Variants in AGBL4 observed in about 807,000 individuals in gnomAD.
AGBL4 encodes cytosolic carboxypeptidase 6.
Under a neutral mutation model 66.4 loss-of-function variants are expected in AGBL4, and 58 were observed. The ratio of observed to expected loss-of-function variants is 0.87; its 90% CI spans 0.71 to 1.09. AGBL4 has a LOEUF of 1.09. AGBL4 is among the 50% of genes least tolerant of loss of function. The pLI, the probability that AGBL4 is intolerant of heterozygous loss-of-function variation, is 0.00. For missense variants in AGBL4, 579 were observed against 631.0 expected (o/e 0.92, Z 0.88); for synonymous variants, 234 against 222.9 (o/e 1.05, Z -0.44).
intron 1 of AGBL4, among the ~76,000 whole-genome samples, chr1:49,954,485 C>G (rs1208434371): frequency 2.0e-5 from 3 of 151,968 alleles, no homozygotes; most frequent in African/African-American, 4.8e-5. Context: ...CACCTTCTGC[C>G]ATAAGATGAC....
At chr1:49,874,178 C>A (rs779417517) in intron 1 of AGBL4, among the ~76,000 whole-genome samples, 7 of 151,910 alleles carry the variant, frequency 4.6e-5, no homozygotes, top group East Asian at 1.9e-4. Flanking sequence ...AAAAAATGAA[C>A]CTTATCCTGT....
chr1:49,504,386 C>T (rs190272151), intron 3 of AGBL4, among the ~76,000 whole-genome samples: 1 of 152,078 alleles, frequency 6.6e-6, no homozygotes, highest in Non-Finnish European at 1.5e-5. Flanking sequence ...CACATTTGAT[C>T]TTAAGTATAG....
At position 49,500,537 on chromosome 1, in the gene AGBL4, C is replaced by T. The variant is rs1017209529; in HGVS notation, c.282+196776G>A. On this transcript the variant is annotated intron_variant, in intron 3 of 13. Coordinates refer to ENST00000371839, the MANE Select transcript of AGBL4 (RefSeq NM_032785.4). The stretch of plus-strand genomic sequence containing the variant: ...ATCTTAGATTTAAGTTTTTGACTCA[C>T]CTTGAGTTGGTTTTTGTATAAGGTG... Among the ~76,000 whole-genome samples, 8 of 151,796 alleles carry T rather than the reference C, an allele frequency of 5.3e-5. No homozygotes were observed. In the East Asian group the frequency reaches 1.2e-3, roughly 22 times the overall value.
chr1:49,948,578 T>TAGAG (rs1343530781), intron 1 of AGBL4, among the ~76,000 whole-genome samples: 20 of 126,460 alleles, frequency 1.6e-4, no homozygotes, highest in South Asian at 4.7e-4. Flanking sequence ...TATATATATA[T>TAGAG]ATATAGAGAG....
At chr1:49,444,878 G>T (rs1306013254) in intron 3 of AGBL4, among the ~76,000 whole-genome samples, 1 of 151,040 alleles carries the variant, frequency 6.6e-6, no homozygotes, top group East Asian at 1.9e-4. Flanking sequence ...TGTTCTGATA[G>T]ATTTCTGTAG....
intron 9 of AGBL4, among the ~76,000 whole-genome samples, chr1:48,599,080 G>A (rs1645038806): frequency 1.3e-5 from 2 of 151,976 alleles, no homozygotes; most frequent in East Asian, 1.9e-4. Flanking sequence ...CATCAACATC[G>A]CTGTCTTCCA....
chr1:49,235,873 T>C (rs1650692935), intron 4 of AGBL4, among the ~76,000 whole-genome samples: 1 of 152,158 alleles, frequency 6.6e-6, no homozygotes, highest in African/African-American at 2.4e-5. Context: ...TCCTGGCTCA[T>C]TCCATGAGTT....
chr1:49,352,615 A>G (rs1643934533), intron 3 of AGBL4, among the ~76,000 whole-genome samples: 1 of 152,092 alleles, frequency 6.6e-6, no homozygotes, highest in South Asian at 2.1e-4. Context: ...AGAAGCCTCC[A>G]GCCTCTGGAG....
intron 6 of AGBL4, among the ~76,000 whole-genome samples, chr1:48,671,000 TGAG>T (rs980777012): frequency 6.6e-6 from 1 of 152,214 alleles, no homozygotes; most frequent in Non-Finnish European, 1.5e-5. Flanking sequence ...CCTGGTTGTT[TGAG>T]GAGGCAAGGG....
chr1:49,094,401 C>A (rs2147985940), intron 4 of AGBL4, among the ~76,000 whole-genome samples: 1 of 152,164 alleles, frequency 6.6e-6, no homozygotes, highest in East Asian at 1.9e-4. Flanking sequence ...AGAGTGAACA[C>A]AATGCATTTT....
intron 3 of AGBL4, among the ~76,000 whole-genome samples, chr1:49,352,366 CTTTTTTTTTTT>C (rs35699154): frequency 2.4e-5 from 2 of 83,112 alleles, no homozygotes; most frequent in Non-Finnish European, 4.5e-5. Flanking sequence ...TGAATTGAAG[CTTTTTTTTTTT>C]TTTTTTTTTT....
In AGBL4 at chr1:48,571,040, G is replaced by A. The variant is rs1004089692; in HGVS notation, c.1267+15964C>T. Among the ~76,000 whole-genome samples the A allele has an allele frequency of 2.1e-4, 32 of 152,194 alleles. 1 individual carries two copies. Among genetic ancestry groups the A allele is most frequent in the Non-Finnish European group, 3.7e-4 (25 of 68,056 alleles). ...AAGCGAGCACACAGAATTGTAAGGC[G>A]TAATAATAGATATCATCCCTTACCA... is the stretch of plus-strand genomic sequence containing the variant. On this transcript the variant is annotated intron_variant, in intron 11 of 13. Transcript: ENST00000371839.
intron 3 of AGBL4, among the ~76,000 whole-genome samples, chr1:49,510,123 G>C (rs1949995): frequency 0.6 from 91,507 of 151,794 alleles, 28,393 homozygotes; most frequent in Non-Finnish European, 0.67. Flanking sequence ...TCATCCTCTA[G>C]TTCCTCTCCA....
At chr1:49,312,890 CT>C (rs553935259) in intron 3 of AGBL4, among the ~76,000 whole-genome samples, 35 of 151,974 alleles carry the variant, frequency 2.3e-4, no homozygotes, top group South Asian at 1.0e-3. Context: ...TTTTTACATA[CT>C]TTTTTTATGT....
intron 3 of AGBL4, among the ~76,000 whole-genome samples, chr1:49,384,232 A>T (rs1248975625): frequency 6.6e-6 from 1 of 152,218 alleles, no homozygotes; most frequent in African/African-American, 2.4e-5. Flanking sequence ...TATTTTTAAA[A>T]ATCTTAAAAC....
chr1:49,186,964 G>A (rs1041721181), intron 4 of AGBL4, among the ~76,000 whole-genome samples: 1 of 152,074 alleles, frequency 6.6e-6, no homozygotes, highest in Admixed American at 6.6e-5. Context: ...GAAATGAAGT[G>A]AATATAAAAA....
At chr1:49,150,776 T>C (rs1011040731) in intron 4 of AGBL4, among the ~76,000 whole-genome samples, 1 of 152,130 alleles carries the variant, frequency 6.6e-6, no homozygotes, top group Non-Finnish European at 1.5e-5. Context: ...CATTAAGTGT[T>C]CTTCCAATGA....
At chr1:49,849,394 T>A (rs1357433183) in intron 2 of AGBL4, among the ~76,000 whole-genome samples, 1 of 26,734 alleles carries the variant, frequency 3.7e-5, no homozygotes, top group Admixed American at 3.1e-4. Flanking sequence ...TTCATCTAAT[T>A]TATTATTATT....
chr1:48,572,312 G>A (rs1644578217), intron 11 of AGBL4, among the ~76,000 whole-genome samples: 1 of 152,130 alleles, frequency 6.6e-6, no homozygotes, highest in Non-Finnish European at 1.5e-5. Context: ...CTCCACTTAA[G>A]AGAGGACAGA....
Sources: gnomAD v4.1 joint callset for allele counts (sites outside exome capture counted in the v4.1 genomes callset) on GRCh38, gnomAD v4.1.1 for gene constraint, MANE v1.5 for transcripts, NCBI Gene and HGNC (gene_info 2026-07-23, HGNC 2026-07-21) for gene names.